CEMIP2: variants seen among roughly 807,000 people sequenced by gnomAD.
The protein encoded by CEMIP2 is cell surface hyaluronidase CEMIP2.
In CEMIP2, 79 loss-of-function variants were observed where a neutral mutation model predicts 146.9. The observed-to-expected ratio is 0.54, with a 90% CI of 0.45 to 0.65. CEMIP2 has a LOEUF of 0.65. Among genes scored for constraint, CEMIP2 ranks in the 30% least tolerant of loss-of-function variants. The pLI, the probability that CEMIP2 is intolerant of heterozygous loss-of-function variation, is 0.00. For missense variants in CEMIP2, 1,596 were observed against 1,696.2 expected (o/e 0.94, Z 1.04); for synonymous variants, 601 against 606.3 (o/e 0.99, Z 0.13).
intron 2 of CEMIP2, 123 bp from the exon 3 acceptor site, chr9:71,746,464 C>T (rs961277084): frequency 8.5e-7 from 1 of 1,171,160 alleles, no homozygotes; most frequent in East Asian, 2.6e-5. Flanking sequence ...TGATTTCCTG[C>T]CATTAGAATG....
At chr9:71,758,572 T>C (rs764976643) in intron 1 of CEMIP2, among the ~76,000 whole-genome samples, 2 of 152,160 alleles carry the variant, frequency 1.3e-5, no homozygotes, top group Admixed American at 6.6e-5. Context: ...GTTATGTAGA[T>C]GAACCGAACC....
chr9:71,734,796 A>C lies in CEMIP2; in HGVS notation c.1393+10T>G, dbSNP rs765543709. The C allele has an allele frequency of 1.3e-5, 20 of 1,582,878 alleles. No homozygotes were observed. The highest frequency in any genetic ancestry group is 1.7e-5 in the Non-Finnish European group (20 of 1,161,654). On this transcript the variant is annotated intron_variant, in intron 6 of 23. Coordinates refer to ENST00000377044, the MANE Select transcript of CEMIP2 (RefSeq NM_013390.3). ...GTGTTTCCCAAGAAGTACTCTAAGC[A>C]GTTTAATACCTTTGACTTTGACCTG...
chr9:71,721,740 AAAT>A (rs1823238655), intron 12 of CEMIP2, among the ~76,000 whole-genome samples: 2 of 152,238 alleles, frequency 1.3e-5, no homozygotes, highest in Admixed American at 1.3e-4. Context: ...GAAGTATGGA[AAAT>A]AATAATATGT....
chr9:71,690,718 T>A (rs980489784), intron 21 of CEMIP2, among the ~76,000 whole-genome samples: 11 of 152,228 alleles, frequency 7.2e-5, no homozygotes, highest in Admixed American at 7.2e-4. Context: ...CCACGTTAGT[T>A]TATATTTGTA....
intron 1 of CEMIP2, among the ~76,000 whole-genome samples, chr9:71,763,818 G>A (rs919666619): frequency 1.3e-5 from 2 of 152,198 alleles, no homozygotes; most frequent in Non-Finnish European, 2.9e-5. Flanking sequence ...CAGTTTATGA[G>A]TCTTTCACTT....
At chr9:71,702,189 C>G (rs895528982) in intron 18 of CEMIP2, among the ~76,000 whole-genome samples, 2 of 146,564 alleles carry the variant, frequency 1.4e-5, no homozygotes, top group South Asian at 4.3e-4. Flanking sequence ...ACCCAGGAGG[C>G]GGAGGTTGCA....
At chr9:71,740,902 T>C (rs1370429095) in intron 4 of CEMIP2, among the ~76,000 whole-genome samples, 1 of 152,176 alleles carries the variant, frequency 6.6e-6, no homozygotes, top group Non-Finnish European at 1.5e-5. Flanking sequence ...GCATGCTGAA[T>C]TAGATTGCTG....
At chr9:71,743,679 T>C (rs980546715) in intron 4 of CEMIP2, among the ~76,000 whole-genome samples, 1 of 152,190 alleles carries the variant, frequency 6.6e-6, no homozygotes, top group Non-Finnish European at 1.5e-5. Context: ...GGTCTCTGTT[T>C]ATCCACTAGA....
In CEMIP2 at chr9:71,745,353, A is replaced by G. The variant is rs1824055867; in HGVS notation, c.699T>C (p.His233=). Reference sequence around the variant, plus strand: ...ACGTCCACGATGCCTTCCGTGCCCCATGTAACTCCAGTGTCCCGCCAGCTT... The same window carrying G: ...ACGTCCACGATGCCTTCCGTGCCCCGTGTAACTCCAGTGTCCCGCCAGCTT... ...GVEAGGTLEL[H]GARKASWTLL... is the part of the protein sequence containing the mutation. Residue 233 remains histidine (H), a synonymous_variant, in exon 4 of 24, where the codon CAT becomes CAC. Transcript: ENST00000377044. 6.2e-7 allele frequency: 1 copy of G among 1,613,894 alleles called. No individual in the cohort carries two copies.
At chr9:71,748,429 G>A (rs959302273) in intron 2 of CEMIP2, among the ~76,000 whole-genome samples, 1 of 152,188 alleles carries the variant, frequency 6.6e-6, no homozygotes. Flanking sequence ...TCTTTCCACT[G>A]ATGATCTGCA....
Position 71,722,471 on chromosome 9 carries a change from A to C in CEMIP2, c.2223T>G (p.Ser741Arg), listed in dbSNP as rs777075042. The C allele has an allele frequency of 1.2e-6, 2 of 1,613,950 alleles. No homozygotes were observed. The highest frequency in any genetic ancestry group is 1.7e-6 in the Non-Finnish European group (2 of 1,179,910). Residue 741 changes from serine (S) to arginine (R), a missense_variant, in exon 12 of 24, where the codon AGT becomes AGG. Ser to Arg is a moderately radical substitution (Grantham distance 110). Transcript: ENST00000377044. ...AGAGGTATTCCCTTGGGTCAGCAGCACTAGAGTTGGTTGTTTTGACACCTT... is the reference window on the plus strand; with the variant it reads ...AGAGGTATTCCCTTGGGTCAGCAGCCCTAGAGTTGGTTGTTTTGACACCTT... ...IDKGVKTTNSSAADPREYLCL... is the reference protein window; with the variant it reads ...IDKGVKTTNSRAADPREYLCL...
At position 71,709,367 on chromosome 9, in the gene CEMIP2, T is replaced by A; in HGVS notation, c.2877A>T (p.Gly959=). The A allele has an allele frequency of 3.7e-6, 6 of 1,614,164 alleles. No individual in the cohort carries two copies. The highest frequency in any genetic ancestry group is 5.1e-6 in the Non-Finnish European group (6 of 1,180,020). Residue 959 remains glycine, a synonymous_variant, in exon 17 of 24, where the codon GGA becomes GGT. Coordinates refer to ENST00000377044, the MANE Select transcript of CEMIP2 (RefSeq NM_013390.3). ...IFHDIDGSVT[G]YKDAYVGRMD... is the part of the protein sequence containing the mutation. ...TTCTTCCCACATAAGCATCCTTGTA[T>A]CCTGTCACAGAGCCATCAATGTCAT...
intron 1 of CEMIP2, among the ~76,000 whole-genome samples, chr9:71,751,076 A>T (rs1052640092): frequency 2.0e-5 from 3 of 152,214 alleles, no homozygotes; most frequent in Admixed American, 1.3e-4. Flanking sequence ...TGGTTTTTTT[A>T]AAGTACTTTT....
Position 71,740,175 on chromosome 9 carries a change from G to A in CEMIP2, c.1092C>T (p.Ser364=), listed in dbSNP as rs777088245. 8.7e-6 allele frequency: 14 copies of A among 1,613,840 alleles called. No homozygotes were observed. The highest frequency in any genetic ancestry group is 2.2e-5 in the East Asian group (1 of 44,886). The change falls in exon 5 of 24, where the codon TCC becomes TCT. Residue 364 remains serine (S), a synonymous_variant. Coordinates refer to ENST00000377044, the MANE Select transcript of CEMIP2 (RefSeq NM_013390.3). ...IDGGSTSCNE[S]VRNYENHSSG... ...TGCTATGATTTTCATAGTTTCTCAC[G>A]GATTCATTGCAAGAAGTGCTTCCAC...
At chr9:71,763,548 G>A (rs149681455) in intron 1 of CEMIP2, among the ~76,000 whole-genome samples, 3 of 152,276 alleles carry the variant, frequency 2.0e-5, no homozygotes, top group Non-Finnish European at 4.4e-5. Context: ...GATTAAGAAT[G>A]CCACAATCTC....
intron 21 of CEMIP2, among the ~76,000 whole-genome samples, chr9:71,692,635 G>A (rs1341146722): frequency 6.6e-6 from 1 of 152,090 alleles, no homozygotes; most frequent in Non-Finnish European, 1.5e-5. Flanking sequence ...TTAACCTGGT[G>A]TGGTGGCTCA....
chr9:71,687,004 G>C (rs981509897), intron 22 of CEMIP2: 3 of 152,098 alleles, frequency 2.0e-5, no homozygotes, highest in African/African-American at 7.2e-5. Flanking sequence ...TTGTCACATA[G>C]TAAGCCAACA....
At chr9:71,746,153 C>G (rs756866581) in intron 3 of CEMIP2, 48 bp downstream of exon 3, 2 of 1,589,378 alleles carry the variant, frequency 1.3e-6, no homozygotes, top group Admixed American at 1.8e-5. Context: ...ATATCCCCCA[C>G]ATTAAAGAGC....
chr9:71,733,923 G>A (rs546412071), intron 6 of CEMIP2, among the ~76,000 whole-genome samples: 14 of 151,882 alleles, frequency 9.2e-5, no homozygotes, highest in Admixed American at 3.3e-4. Flanking sequence ...AGCTCACTGC[G>A]ACCTTCGCCT....
Sources: allele counts gnomAD v4.1 joint callset (sites outside exome capture counted in the v4.1 genomes callset), GRCh38; gene constraint gnomAD v4.1.1; transcripts MANE v1.5; gene names NCBI Gene and HGNC (gene_info 2026-07-23, HGNC 2026-07-21).